The following SUPT6H variants were observed in gnomAD, a reference collection of about 807,000 sequenced individuals.
The protein encoded by SUPT6H is transcription elongation factor SPT6.
In SUPT6H, 11 loss-of-function variants were observed where a neutral mutation model predicts 222.3. The ratio of observed to expected loss-of-function variants is 0.05; its 90% CI spans 0.03 to 0.08. SUPT6H has a LOEUF of 0.08. Among genes scored for constraint, SUPT6H ranks in the 10% least tolerant of loss-of-function variants. SUPT6H has a pLI of 1.00. For synonymous variants in SUPT6H, 762 were observed against 801.2 expected, an observed-to-expected ratio of 0.95 and a Z score of 0.83; for missense variants, 1,422 against 2,216.0, an observed-to-expected ratio of 0.64 and a Z score of 7.19.
At chr17:28,683,132 G>C (rs1274207762) in intron 15 of SUPT6H, 40 bp downstream of exon 15, 2 of 1,565,776 alleles carry the variant, frequency 1.3e-6, no homozygotes, top group South Asian at 2.4e-5. Context: ...ATGTGCACCA[G>C]CTCTTTCTTT....
In SUPT6H at chr17:28,681,916, G is replaced by A. The variant is rs1299686392; in HGVS notation, c.1533G>A (p.Arg511=). 4 of 1,610,538 alleles carry A rather than the reference G, an allele frequency of 2.5e-6. No homozygotes were observed. Among genetic ancestry groups the A allele is most frequent in the Non-Finnish European group, 2.5e-6 (3 of 1,179,230 alleles). ...ACGAGGCAGAAGATGAGGAGCAGAGGGGGCCTGAGCTCAAGCAAGCCTCTC... is the reference window on the plus strand; with the variant it reads ...ACGAGGCAGAAGATGAGGAGCAGAGAGGGCCTGAGCTCAAGCAAGCCTCTC... ...EGDEAEDEEQ[R]GPELKQASRR... Residue 511 remains arginine, a synonymous_variant, in exon 13 of 37, where the codon AGG becomes AGA. Transcript: ENST00000314616.
At chr17:28,665,098 T>G (rs2029935994) in intron 1 of SUPT6H, among the ~76,000 whole-genome samples, 2 of 152,204 alleles carry the variant, frequency 1.3e-5, no homozygotes, top group African/African-American at 4.8e-5. Flanking sequence ...ATTTCCCTAC[T>G]TAAAACTCTC....
intron 1 of SUPT6H, among the ~76,000 whole-genome samples, chr17:28,668,590 C>T (rs2030230019): frequency 6.6e-6 from 1 of 152,142 alleles, no homozygotes; most frequent in South Asian, 2.1e-4. Context: ...CATGGAGCAC[C>T]AGCTGCCCTT....
chr17:28,697,493 A>G, intron 30 of SUPT6H, 127 bp from the exon 31 acceptor site: 4 of 705,206 alleles, frequency 5.7e-6, no homozygotes, highest in Non-Finnish European at 9.8e-6. Context: ...ACACAGATGG[A>G]TAAACTGAGG....
intron 27 of SUPT6H, among the ~76,000 whole-genome samples, chr17:28,693,381 G>A (rs1012533387): frequency 1.3e-5 from 2 of 151,980 alleles, no homozygotes; most frequent in Non-Finnish European, 2.9e-5. Context: ...GAATCGGCTT[G>A]AACCCAGGAG....
chr17:28,678,758 C>T (rs910430181), intron 10 of SUPT6H, 63 bp from the exon 11 acceptor site: 1 of 1,612,790 alleles, frequency 6.2e-7, no homozygotes, highest in African/African-American at 1.3e-5. Context: ...TGGTAAGGAT[C>T]AGAGCAGCCT....
chr17:28,681,027 G>A (rs942162597), intron 11 of SUPT6H: 18 of 476,772 alleles, frequency 3.8e-5, no homozygotes, highest in Admixed American at 2.2e-4. Context: ...CACAGTTCGC[G>A]GCAGCCTCAA....
chr17:28,697,571 A>C (rs2031978741), intron 30 of SUPT6H, 49 bp from the exon 31 acceptor site: 2 of 1,499,222 alleles, frequency 1.3e-6, no homozygotes, highest in South Asian at 1.2e-5. Context: ...TTTGATCAAG[A>C]ATCTCAGCTC....
rs2031080381 is a variant in SUPT6H, at chr17:28,681,118, T to G, written c.1350-138T>G. On this transcript the variant is annotated intron_variant, in intron 11 of 36. Transcript: ENST00000314616. ...TGTCTCAGAAAAATAATAACAATAG[T>G]AATAATAATTGGAAAAAACTGGTTG... 3.6e-6 allele frequency: 3 copies of G among 822,442 alleles called. No homozygotes were observed. The South Asian group carries it at 5.0e-5, about 14-fold the overall frequency. The allele number at this position is 822,442 out of a possible 1,614,324, so 50.9% of individuals were successfully genotyped here. A position where few individuals can be genotyped will look rare whatever the true frequency, so the allele number is the denominator to read the frequency against.
chr17:28,696,335 G>A (rs1381785451), intron 29 of SUPT6H, among the ~76,000 whole-genome samples: 1 of 147,892 alleles, frequency 6.8e-6, no homozygotes, highest in East Asian at 2.0e-4. Flanking sequence ...GATGGCTCAC[G>A]CCTGTAATCC....
intron 24 of SUPT6H, chr17:28,689,056 T>C (rs1331854256): frequency 1.2e-5 from 4 of 323,646 alleles, no homozygotes; most frequent in Non-Finnish European, 2.3e-5. Flanking sequence ...ATTTTATGTA[T>C]ACTACAGTTT....
intron 30 of SUPT6H, among the ~76,000 whole-genome samples, chr17:28,697,388 C>A (rs1298553171): frequency 6.6e-6 from 1 of 152,146 alleles, no homozygotes; most frequent in African/African-American, 2.4e-5. Flanking sequence ...GAAGAGAAAT[C>A]TGGTGAATTT....
chr17:28,696,585 CAAAA>C (rs368924462), intron 29 of SUPT6H, among the ~76,000 whole-genome samples: 15 of 54,042 alleles, frequency 2.8e-4, no homozygotes, highest in Admixed American at 8.7e-4. Flanking sequence ...GAGACTGTCT[CAAAA>C]AAAAAAAAAA....
intron 19 of SUPT6H, 106 bp downstream of exon 19, chr17:28,685,067 G>A: frequency 2.7e-6 from 3 of 1,093,490 alleles, no homozygotes; most frequent in East Asian, 5.3e-5. Context: ...AAGACTGATT[G>A]TGTCTGATCT....
chr17:28,675,622 T>A, intron 6 of SUPT6H, 137 bp downstream of exon 6: 1 of 816,586 alleles, frequency 1.2e-6, no homozygotes, highest in Non-Finnish European at 2.0e-6. Context: ...AAATAACCTC[T>A]ACCAGGCAGT....
chr17:28,684,735 T>C lies in SUPT6H; in HGVS notation c.2369+10T>C, dbSNP rs1228867174. The C allele has an allele frequency of 1.7e-5, 28 of 1,614,042 alleles. No homozygotes were observed. Among genetic ancestry groups the C allele is most frequent in the Non-Finnish European group, 2.1e-5 (25 of 1,179,976 alleles). Reference sequence around the variant, plus strand: ...CTTTCTCCTCTGCCAGGTAACAGCCTATTTTTGCCTCCCCAGCACCATCTC... The same window carrying C: ...CTTTCTCCTCTGCCAGGTAACAGCCCATTTTTGCCTCCCCAGCACCATCTC... On this transcript the variant is annotated intron_variant, in intron 18 of 36. Transcript: ENST00000314616.
chr17:28,670,066 A>G (rs1176670802), intron 1 of SUPT6H: 2 of 152,250 alleles, frequency 1.3e-5, no homozygotes, highest in African/African-American at 4.8e-5. Flanking sequence ...CACATGTCCT[A>G]TAACCTCTGG....
intron 11 of SUPT6H, among the ~76,000 whole-genome samples, chr17:28,680,452 G>A (rs2031035627): frequency 6.6e-6 from 1 of 151,686 alleles, no homozygotes; most frequent in Non-Finnish European, 1.5e-5. Context: ...ACAAAAATTA[G>A]TCGGGTGTGG....
At chr17:28,670,431 GAGAGACC>G (rs1330353898) in intron 1 of SUPT6H, 1 of 152,184 alleles carries the variant, frequency 6.6e-6, no homozygotes. Context: ...AAATACCCAA[GAGAGACC>G]CATATTATTT....
Sources: gnomAD v4.1 joint callset for allele counts (sites outside exome capture counted in the v4.1 genomes callset) on GRCh38, gnomAD v4.1.1 for gene constraint, MANE v1.5 for transcripts, NCBI Gene and HGNC (gene_info 2026-07-23, HGNC 2026-07-21) for gene names.